KLHL29: variants seen among roughly 807,000 people sequenced by gnomAD.
KLHL29 encodes the protein kelch-like protein 29.
In KLHL29, 21 loss-of-function variants were observed where a neutral mutation model predicts 80.4. The observed-to-expected ratio is 0.26, with a 90% confidence interval of 0.19 to 0.38. The LOEUF (loss-of-function observed/expected upper bound fraction) is 0.38, where lower values mean the gene tolerates loss of function less well. KLHL29 is among the 10% of genes least tolerant of loss of function. The pLI, the probability that KLHL29 is intolerant of heterozygous loss-of-function variation, is 1.00. For synonymous variants in KLHL29, 511 were observed against 526.8 expected (o/e 0.97, Z 0.41); for missense variants, 867 against 1,223.9 (o/e 0.71, Z 4.35).
chr2:23,493,298 A>G (rs548374614), intron 2 of KLHL29, among the ~76,000 whole-genome samples: 2 of 152,208 alleles, frequency 1.3e-5, no homozygotes, highest in South Asian at 4.2e-4. Flanking sequence ...CAGGATGTTC[A>G]TGCACCCCCA....
At chr2:23,395,176 G>A (rs1666417906) in intron 1 of KLHL29, among the ~76,000 whole-genome samples, 1 of 152,192 alleles carries the variant, frequency 6.6e-6, no homozygotes, top group Non-Finnish European at 1.5e-5. Context: ...GGAAGTCCAT[G>A]GAAATGAGTG....
chr2:23,396,180 A>G (rs1423525710), intron 1 of KLHL29, among the ~76,000 whole-genome samples: 1 of 152,214 alleles, frequency 6.6e-6, no homozygotes, highest in Non-Finnish European at 1.5e-5. Context: ...CAGGGGCAGC[A>G]GCCTGGTCTG....
intron 1 of KLHL29, among the ~76,000 whole-genome samples, chr2:23,420,179 C>T (rs1028366417): frequency 3.3e-5 from 5 of 152,180 alleles, no homozygotes; most frequent in African/African-American, 4.8e-5. Flanking sequence ...GCGACCCTCA[C>T]GGACTCCGCA....
chr2:23,512,583 T>C (rs534567355), intron 2 of KLHL29, among the ~76,000 whole-genome samples: 2 of 152,250 alleles, frequency 1.3e-5, no homozygotes, highest in Non-Finnish European at 2.9e-5. Flanking sequence ...ATATGGCTTT[T>C]TCCACCCAAA....
chr2:23,683,217 T>C (rs552757322), intron 5 of KLHL29, among the ~76,000 whole-genome samples: 1 of 152,338 alleles, frequency 6.6e-6, no homozygotes, highest in Admixed American at 6.5e-5. Flanking sequence ...GCAGGGGCGA[T>C]GGCCGGTGGG....
At chr2:23,508,282 T>C (rs747381994) in intron 2 of KLHL29, among the ~76,000 whole-genome samples, 18 of 152,248 alleles carry the variant, frequency 1.2e-4, no homozygotes, top group Non-Finnish European at 2.4e-4. Flanking sequence ...GGAGAGCTTG[T>C]CTTCAGTGTC....
At chr2:23,487,802 G>C (rs1206507532) in intron 2 of KLHL29, among the ~76,000 whole-genome samples, 2 of 152,180 alleles carry the variant, frequency 1.3e-5, no homozygotes, top group African/African-American at 4.8e-5. Flanking sequence ...AAACAGAACT[G>C]CCCTGAGTTG....
chr2:23,658,443 G>A (rs771472045), intron 5 of KLHL29, among the ~76,000 whole-genome samples: 1 of 152,156 alleles, frequency 6.6e-6, no homozygotes, highest in Non-Finnish European at 1.5e-5. Flanking sequence ...GCCTCATTCG[G>A]GCTCCCCACA....
chr2:23,624,550 C>T lies in KLHL29; in HGVS notation c.286-14589C>T, dbSNP rs76248762. 5.4e-3 allele frequency among the ~76,000 whole-genome samples: 825 copies of T among 152,314 alleles called. 6 individuals are homozygous for T. The highest frequency in any genetic ancestry group is 0.019 in the African/African-American group (793 of 41,566). ...GTTACTTGACCTGCAATTCAGACCA[C>T]CCGCCACCAGAGGTCGTGATGCTTT... is the stretch of plus-strand genomic sequence containing the variant. On this transcript the variant is annotated intron_variant, in intron 3 of 13. Coordinates refer to ENST00000486442, the MANE Select transcript of KLHL29 (RefSeq NM_052920.2).
At chr2:23,627,638 CTT>C (rs1669350059) in intron 3 of KLHL29, among the ~76,000 whole-genome samples, 2 of 152,202 alleles carry the variant, frequency 1.3e-5, no homozygotes, top group Admixed American at 6.5e-5. Context: ...CTGTTTGTCT[CTT>C]TGTCTCGCTG....
At chr2:23,688,731 G>T (rs1228048538) in intron 6 of KLHL29, 1 of 152,280 alleles carries the variant, frequency 6.6e-6, no homozygotes, top group South Asian at 2.1e-4. Flanking sequence ...CATAGAGAGG[G>T]TTAGTGCTGC....
At chr2:23,634,379 G>A (rs1669553717) in intron 3 of KLHL29, among the ~76,000 whole-genome samples, 2 of 152,204 alleles carry the variant, frequency 1.3e-5, no homozygotes, top group Admixed American at 6.5e-5. Flanking sequence ...AAATGCACTG[G>A]TTGCTGTGGG....
intron 3 of KLHL29, among the ~76,000 whole-genome samples, chr2:23,601,421 C>T (rs548568045): frequency 4.6e-5 from 7 of 152,108 alleles, no homozygotes; most frequent in South Asian, 4.1e-4. Flanking sequence ...AAGTAATTTA[C>T]GTGGTCATAA....
At position 23,429,280 on chromosome 2, in the gene KLHL29, C is replaced by T. The variant is rs72846893; in HGVS notation, c.-154+43500C>T. On this transcript the variant is annotated intron_variant, in intron 1 of 13. Transcript: ENST00000486442. The stretch of plus-strand genomic sequence containing the variant: ...CAGCCCAGGGAGCCATGGTTGCTGG[C>T]GCTGGGGCCTTGGTGCCCACATGTC... Among the ~76,000 whole-genome samples the T allele has an allele frequency of 2.1e-3, 317 of 152,308 alleles. 3 individuals carry two copies. The highest frequency in any genetic ancestry group is 7.3e-3 in the African/African-American group (305 of 41,562).
chr2:23,687,571 G>C (rs961064338), intron 6 of KLHL29, among the ~76,000 whole-genome samples: 3 of 152,224 alleles, frequency 2.0e-5, no homozygotes, highest in Non-Finnish European at 4.4e-5. Flanking sequence ...ACAGTCTGGT[G>C]GGGACACGCT....
intron 2 of KLHL29, among the ~76,000 whole-genome samples, chr2:23,512,036 C>T (rs1199676956): frequency 3.3e-5 from 5 of 152,156 alleles, no homozygotes; most frequent in Non-Finnish European, 5.9e-5. Flanking sequence ...ACATGCATGG[C>T]GGTGACGGAA....
chr2:23,480,499 CAA>C (rs61231002), intron 2 of KLHL29, among the ~76,000 whole-genome samples: 216 of 151,604 alleles, frequency 1.4e-3, no homozygotes, highest in East Asian at 4.5e-3. Flanking sequence ...CAAAAAAAAA[CAA>C]AAAAAAACTA....
intron 2 of KLHL29, among the ~76,000 whole-genome samples, chr2:23,484,351 C>T (rs919065532): frequency 2.0e-5 from 3 of 152,200 alleles, no homozygotes; most frequent in Admixed American, 6.5e-5. Flanking sequence ...CACGGGCCAC[C>T]CTTGATGTGT....
chr2:23,659,670 G>T (rs998933315), intron 5 of KLHL29, among the ~76,000 whole-genome samples: 5 of 152,058 alleles, frequency 3.3e-5, no homozygotes, highest in Non-Finnish European at 5.9e-5. Context: ...ATCAGAGGAG[G>T]TGCCCTCACT....
Sources: allele counts gnomAD v4.1 joint callset (sites outside exome capture counted in the v4.1 genomes callset), GRCh38; gene constraint gnomAD v4.1.1; transcripts MANE v1.5; gene names NCBI Gene and HGNC (gene_info 2026-07-23, HGNC 2026-07-21).